The following PTPRG variants were observed in gnomAD, a reference collection of about 807,000 sequenced individuals.
The protein encoded by PTPRG is protein tyrosine phosphatase receptor type G.
PTPRG carries 102 observed loss-of-function variants against 165.3 expected under a neutral mutation model. The observed-to-expected ratio is 0.62, with a 90% CI of 0.53 to 0.73. The LOEUF is 0.73. Among genes scored for constraint, PTPRG ranks in the 30% least tolerant of loss-of-function variants. PTPRG has a pLI of 0.00. For missense variants in PTPRG, 1,866 were observed against 1,861.4 expected (o/e 1.00, Z -0.05); for synonymous variants, 675 against 669.5 (o/e 1.01, Z -0.13).
intron 5 of PTPRG, among the ~76,000 whole-genome samples, chr3:62,095,872 G>A (rs1420932743): frequency 6.6e-6 from 1 of 152,076 alleles, no homozygotes; most frequent in Non-Finnish European, 1.5e-5. Flanking sequence ...ATGAGCAATG[G>A]CCCCAAGCAG....
chr3:61,867,079 A>G (rs1056561134), intron 2 of PTPRG, among the ~76,000 whole-genome samples: 1 of 152,062 alleles, frequency 6.6e-6, no homozygotes, highest in African/African-American at 2.4e-5. Flanking sequence ...TTGGAAAGGG[A>G]TCAGTACCAG....
intron 1 of PTPRG, among the ~76,000 whole-genome samples, chr3:61,660,948 G>T (rs928478773): frequency 1.3e-5 from 2 of 152,200 alleles, no homozygotes; most frequent in African/African-American, 4.8e-5. Flanking sequence ...GTTGCAGTGA[G>T]CCCGGATTGT....
chr3:61,628,742 G>A (rs973779826), intron 1 of PTPRG, among the ~76,000 whole-genome samples: 14 of 152,126 alleles, frequency 9.2e-5, no homozygotes, highest in Admixed American at 9.2e-4. Context: ...GGTAGGGGGA[G>A]GTGAACAGCT....
intron 1 of PTPRG, among the ~76,000 whole-genome samples, chr3:61,594,418 G>A (rs1386491339): frequency 2.0e-5 from 3 of 151,880 alleles, no homozygotes; most frequent in Admixed American, 2.0e-4. Flanking sequence ...AGGAAAGTAG[G>A]TCAGGCCTGA....
At chr3:62,060,972 A>G (rs1385440509) in intron 4 of PTPRG, among the ~76,000 whole-genome samples, 1 of 152,178 alleles carries the variant, frequency 6.6e-6, no homozygotes, top group Non-Finnish European at 1.5e-5. Flanking sequence ...GTATGGATGC[A>G]TCCTAATTTA....
chr3:61,763,993 A>C (rs185560053), intron 2 of PTPRG, among the ~76,000 whole-genome samples: 17 of 152,302 alleles, frequency 1.1e-4, no homozygotes, highest in East Asian at 7.7e-4. Context: ...ACCCTTTTGT[A>C]TTGCACAGAT....
chr3:62,279,164 T>G (rs186776710), intron 26 of PTPRG, among the ~76,000 whole-genome samples: 1 of 152,086 alleles, frequency 6.6e-6, no homozygotes, highest in African/African-American at 2.4e-5. Context: ...GTTGTATTAT[T>G]ACTGCTATAC....
chr3:61,851,219 A>G (rs968505865), intron 2 of PTPRG, among the ~76,000 whole-genome samples: 2 of 152,160 alleles, frequency 1.3e-5, no homozygotes, highest in Non-Finnish European at 2.9e-5. Context: ...AGTTGGGGAA[A>G]TCTCTAGCTG....
intron 28 of PTPRG, among the ~76,000 whole-genome samples, chr3:62,285,195 G>C (rs1383283756): frequency 6.6e-6 from 1 of 152,124 alleles, no homozygotes; most frequent in Non-Finnish European, 1.5e-5. Context: ...GTGGGTACTA[G>C]ACAAGTATTT....
At chr3:62,132,203 A>G (rs1390143591) in intron 5 of PTPRG, among the ~76,000 whole-genome samples, 1 of 152,220 alleles carries the variant, frequency 6.6e-6, no homozygotes, top group Non-Finnish European at 1.5e-5. Context: ...TCTAAAAAGA[A>G]GGGAAAAACA....
At chr3:62,154,311 C>G (rs561117566) in intron 6 of PTPRG, among the ~76,000 whole-genome samples, 1 of 152,284 alleles carries the variant, frequency 6.6e-6, no homozygotes, top group South Asian at 2.1e-4. Flanking sequence ...GCAGTGAAGC[C>G]AGGCCCTCCT....
intron 2 of PTPRG, 28 bp downstream of exon 2, chr3:61,749,010 A>C: frequency 9.6e-6 from 15 of 1,559,382 alleles, no homozygotes; most frequent in African/African-American, 1.4e-5. Flanking sequence ...AATGGAGATC[A>C]CACAGGCCAG....
chr3:62,275,123 A>G (rs1015338530), intron 23 of PTPRG, among the ~76,000 whole-genome samples: 3 of 152,132 alleles, frequency 2.0e-5, no homozygotes, highest in Non-Finnish European at 4.4e-5. Context: ...CCAGCCCCCA[A>G]AAAATAGGAT....
intron 2 of PTPRG, among the ~76,000 whole-genome samples, chr3:61,758,207 A>G (rs910669188): frequency 2.2e-5 from 3 of 133,918 alleles, no homozygotes; most frequent in African/African-American, 8.4e-5. Flanking sequence ...CCGATCTCAA[A>G]CTCCTGGGCT....
intron 1 of PTPRG, among the ~76,000 whole-genome samples, chr3:61,741,792 A>G (rs1261067837): frequency 6.6e-6 from 1 of 152,060 alleles, no homozygotes; most frequent in East Asian, 1.9e-4. Flanking sequence ...GTGGCCATGT[A>G]TCTTCTTTTC....
At chr3:61,787,307 G>A (rs1052942032) in intron 2 of PTPRG, among the ~76,000 whole-genome samples, 2 of 152,100 alleles carry the variant, frequency 1.3e-5, no homozygotes, top group South Asian at 2.1e-4. Flanking sequence ...GAAAGAATCC[G>A]GAAACAAGAG....
At chr3:62,156,136 G>T (rs1422688381) in intron 6 of PTPRG, among the ~76,000 whole-genome samples, 1 of 152,200 alleles carries the variant, frequency 6.6e-6, no homozygotes, top group Non-Finnish European at 1.5e-5. Flanking sequence ...ATTCCTTCCT[G>T]TCCCAGGGCC....
At chr3:61,568,660 A>G (rs1699983511) in intron 1 of PTPRG, among the ~76,000 whole-genome samples, 1 of 152,040 alleles carries the variant, frequency 6.6e-6, no homozygotes, top group Non-Finnish European at 1.5e-5. Flanking sequence ...CTGTAATTCC[A>G]GCATTTTGGG....
At chr3:61,941,469 A>C (rs1017710691) in intron 2 of PTPRG, among the ~76,000 whole-genome samples, 1 of 152,090 alleles carries the variant, frequency 6.6e-6, no homozygotes, top group Non-Finnish European at 1.5e-5. Context: ...CTAAAATACA[A>C]AAAATTAGCC....
Sources: gnomAD v4.1 joint callset for allele counts (sites outside exome capture counted in the v4.1 genomes callset) on GRCh38, gnomAD v4.1.1 for gene constraint, MANE v1.5 for transcripts, NCBI Gene and HGNC (gene_info 2026-07-23, HGNC 2026-07-21) for gene names.